CELF2: variants seen among roughly 807,000 people sequenced by gnomAD.
CELF2 encodes the protein CUGBP Elav-like family member 2.
In CELF2, 8 loss-of-function variants were observed where a neutral mutation model predicts 62.6. That is an observed-to-expected ratio of 0.13 (90% CI 0.07 to 0.23). CELF2 has a LOEUF of 0.23. CELF2 is among the 10% of genes least tolerant of loss of function. CELF2 has a pLI of 1.00. For synonymous variants in CELF2, 258 were observed against 250.0 expected, an observed-to-expected ratio of 1.03 and a Z score of -0.30; for missense variants, 333 against 671.0, an observed-to-expected ratio of 0.50 and a Z score of 5.56.
At chr10:10,520,042 C>T in the CELF2 span, among the ~76,000 whole-genome samples, 1 of 152,192 alleles carries the variant, frequency 6.6e-6, no homozygotes, top group African/African-American at 2.4e-5. Context: ...AGTGTTCCAT[C>T]TTCCTCTTCA....
chr10:11,274,917 G>A, intron 7 of CELF2, 140 bp from the exon 8 acceptor site: 1 of 738,368 alleles, frequency 1.4e-6, no homozygotes, highest in Admixed American at 1.9e-5. Flanking sequence ...TACAGCCCCA[G>A]CTCTGGGGAC....
the CELF2 span, among the ~76,000 whole-genome samples, chr10:10,466,518 T>A: frequency 6.6e-6 from 1 of 152,126 alleles, no homozygotes; most frequent in African/African-American, 2.4e-5. Flanking sequence ...TGAATATTCA[T>A]GTGCAAGCCT....
At chr10:10,529,620 G>A in the CELF2 span, among the ~76,000 whole-genome samples, 1 of 148,102 alleles carries the variant, frequency 6.8e-6, no homozygotes, top group African/African-American at 2.5e-5. Flanking sequence ...GAAGGCGGAG[G>A]TTGCAGTGAG....
the CELF2 span, among the ~76,000 whole-genome samples, chr10:10,614,955 G>A: frequency 6.6e-6 from 1 of 152,056 alleles, no homozygotes; most frequent in Non-Finnish European, 1.5e-5. Context: ...CAGGTCATGG[G>A]AATCGACGAA....
In CELF2 at chr10:11,296,035, T is replaced by A. The variant is rs941972607; in HGVS notation, c.976+7483T>A. On this transcript the variant is annotated intron_variant, in intron 9 of 12. Coordinates refer to ENST00000633077, the MANE Select transcript of CELF2 (RefSeq NM_001326342.2). The surrounding 1 kb of genome is among the most constrained non-coding windows in gnomAD (Gnocchi z 5.0). Reference sequence around the variant, plus strand: ...TGCGCAGCTTTGGGGGTAGAGATATTTACGGTTCACCACAGAGCCCACGCT... The same window carrying A: ...TGCGCAGCTTTGGGGGTAGAGATATATACGGTTCACCACAGAGCCCACGCT... Among the ~76,000 whole-genome samples, 1 of 152,098 alleles carries A rather than the reference T, an allele frequency of 6.6e-6. No individual in the cohort carries two copies. The highest frequency in any genetic ancestry group is 2.4e-5 in the African/African-American group (1 of 41,386).
chr10:10,636,138 G>T, the CELF2 span, among the ~76,000 whole-genome samples: 3 of 152,098 alleles, frequency 2.0e-5, no homozygotes, highest in African/African-American at 7.2e-5. Flanking sequence ...GTTTTTATTT[G>T]AATTATTCCC....
chr10:10,557,650 T>C, the CELF2 span, among the ~76,000 whole-genome samples: 9 of 152,188 alleles, frequency 5.9e-5, no homozygotes, highest in African/African-American at 2.2e-4. Context: ...ACAATATTGA[T>C]TCTTCCTGCC....
intron 2 of CELF2, among the ~76,000 whole-genome samples, chr10:11,209,911 C>T (rs2061394210): frequency 6.6e-6 from 1 of 152,192 alleles, no homozygotes; most frequent in African/African-American, 2.4e-5. Flanking sequence ...ATGCTACTGA[C>T]TTGACAAGAA....
At chr10:11,179,258 A>C (rs1222448423) in intron 2 of CELF2, among the ~76,000 whole-genome samples, 4 of 150,702 alleles carry the variant, frequency 2.7e-5, no homozygotes, top group African/African-American at 9.7e-5. Context: ...TCAAATAAAA[A>C]TAGGCACGTA....
At chr10:10,508,435 C>T in the CELF2 span, among the ~76,000 whole-genome samples, 2 of 152,210 alleles carry the variant, frequency 1.3e-5, no homozygotes, top group South Asian at 4.1e-4. Flanking sequence ...TTCCTCAAAT[C>T]CTTAAGCCAA....
intron 1 of CELF2, among the ~76,000 whole-genome samples, chr10:11,047,081 A>G (rs2062992624): frequency 6.6e-6 from 1 of 152,136 alleles, no homozygotes; most frequent in Admixed American, 6.5e-5. Context: ...AACTCTTCCT[A>G]TTTAAGCATT....
the CELF2 span, among the ~76,000 whole-genome samples, chr10:10,520,044 T>C: frequency 6.6e-6 from 1 of 152,168 alleles, no homozygotes; most frequent in African/African-American, 2.4e-5. Context: ...TGTTCCATCT[T>C]CCTCTTCATA....
rs2095430850 is a variant in CELF2 at position 11,321,446 on chromosome 10, A to G, written c.1294+60A>G. ...CCCAACAGGCAGCACTGGCCTCTAG[A>G]GCACGGTTAGAAGGTATCAAATTGA... On this transcript the variant is annotated intron_variant, in intron 11 of 12. Coordinates refer to ENST00000633077, the MANE Select transcript of CELF2 (RefSeq NM_001326342.2). The surrounding 1 kb of genome is among the most constrained non-coding windows in gnomAD (Gnocchi z 6.2). The G allele has an allele frequency of 7.2e-7, 1 of 1,381,568 alleles. No homozygotes were observed. Among genetic ancestry groups the G allele is most frequent in the African/African-American group, 1.4e-5 (1 of 70,162 alleles). 85.6% of individuals were successfully genotyped at this position (1,381,568 alleles called of 1,614,324 possible). A position where few individuals can be genotyped will look rare whatever the true frequency, so the allele number is the denominator to read the frequency against.
Position 11,242,760 on chromosome 10 carries a change from G to A in CELF2, c.355-6393G>A, listed in dbSNP as rs538198626. Among the ~76,000 whole-genome samples, 1 of 152,284 alleles carries A rather than the reference G, an allele frequency of 6.6e-6. No individual in the cohort carries two copies. The highest frequency in any genetic ancestry group is 1.9e-4 in the East Asian group (1 of 5,184). On this transcript the variant is annotated intron_variant, in intron 3 of 12. Transcript: ENST00000633077. The surrounding 1 kb of genome is among the most constrained non-coding windows in gnomAD (Gnocchi z 4.8). ...ACAGGCCAGCCAGGGTGAGGACCAG[G>A]GTGGACCACTCAGCTCTGGGACCCT...
At chr10:10,749,236 C>G in the CELF2 span, among the ~76,000 whole-genome samples, 1 of 152,108 alleles carries the variant, frequency 6.6e-6, no homozygotes, top group Non-Finnish European at 1.5e-5. Flanking sequence ...GATTCTAGAT[C>G]TACAGGATAT....
At chr10:11,062,655 G>C (rs1193810368) in intron 1 of CELF2, among the ~76,000 whole-genome samples, 2 of 152,214 alleles carry the variant, frequency 1.3e-5, no homozygotes, top group Non-Finnish European at 2.9e-5. Flanking sequence ...ATGAGCAGTT[G>C]CTTCTTACGG....
At chr10:10,694,774 C>G in the CELF2 span, among the ~76,000 whole-genome samples, 22 of 150,614 alleles carry the variant, frequency 1.5e-4, no homozygotes, top group East Asian at 5.8e-4. Context: ...TAGTGGCCTT[C>G]TTTGTCTCTT....
chr10:10,954,226 ATTATTATTATTATTATT>A (rs1323992548), intron 2 of CELF2, among the ~76,000 whole-genome samples: 3 of 122,870 alleles, frequency 2.4e-5, no homozygotes, highest in African/African-American at 1.0e-4. Context: ...TATTATTATT[ATTATTATTATTATTATT>A]ATTATTATTA....
At chr10:10,539,966 G>A in the CELF2 span, among the ~76,000 whole-genome samples, 8 of 152,164 alleles carry the variant, frequency 5.3e-5, no homozygotes, top group Admixed American at 2.6e-4. Flanking sequence ...GTGAATCTTC[G>A]GGAACAAATT....
Sources: gnomAD v4.1 joint callset for allele counts (sites outside exome capture counted in the v4.1 genomes callset) on GRCh38, gnomAD v4.1.1 for gene constraint, Gnocchi (gnomAD v3.1) non-coding constraint, MANE v1.5 for transcripts, NCBI Gene and HGNC (gene_info 2026-07-23, HGNC 2026-07-21) for gene names.